The following PSMD11 variants were observed in gnomAD, a reference collection of about 807,000 sequenced individuals.
PSMD11 encodes 26S proteasome non-ATPase regulatory subunit 11.
Under a neutral mutation model 62.3 loss-of-function variants are expected in PSMD11, and 5 were observed. The observed-to-expected ratio is 0.08, with a 90% CI of 0.04 to 0.17. The LOEUF (loss-of-function observed/expected upper bound fraction) is 0.17, where lower values mean the gene tolerates loss of function less well. PSMD11 is among the 10% of genes least tolerant of loss of function. The pLI, the probability that PSMD11 is intolerant of heterozygous loss-of-function variation, is 1.00. For synonymous variants in PSMD11, 191 were observed against 191.8 expected (o/e 1.00, Z 0.03); for missense variants, 310 against 512.9 (o/e 0.60, Z 3.82).
At chr17:32,458,505 C>T (rs562978088) in intron 3 of PSMD11, among the ~76,000 whole-genome samples, 1 of 152,212 alleles carries the variant, frequency 6.6e-6, no homozygotes, top group African/African-American at 2.4e-5. Context: ...GTGGTTTTAA[C>T]TCTTTCAGTG....
intron 2 of PSMD11, among the ~76,000 whole-genome samples, chr17:32,451,745 T>C (rs1907505881): frequency 6.6e-6 from 1 of 152,070 alleles, no homozygotes; most frequent in South Asian, 2.1e-4. Context: ...TTTTGTTTTG[T>C]TTTGTTTTTT....
At chr17:32,469,791 C>G (rs1308758663) in intron 6 of PSMD11, among the ~76,000 whole-genome samples, 2 of 151,950 alleles carry the variant, frequency 1.3e-5, no homozygotes, top group African/African-American at 2.4e-5. Context: ...TACCTCTCAT[C>G]TGTAAAAGAT....
At chr17:32,456,941 A>G (rs1907670769) in intron 3 of PSMD11, among the ~76,000 whole-genome samples, 1 of 152,170 alleles carries the variant, frequency 6.6e-6, no homozygotes, top group Non-Finnish European at 1.5e-5. Context: ...TGCTGGGATT[A>G]CAGGCGTGAG....
intron 11 of PSMD11, 100 bp from the exon 12 acceptor site, chr17:32,480,046 T>C: frequency 6.7e-7 from 1 of 1,501,746 alleles, no homozygotes; most frequent in Non-Finnish European, 9.3e-7. Flanking sequence ...TATTTTGTTT[T>C]CAGTCCATTT....
At chr17:32,478,734 T>G (rs1326247425) in intron 9 of PSMD11, among the ~76,000 whole-genome samples, 1 of 152,178 alleles carries the variant, frequency 6.6e-6, no homozygotes, top group Non-Finnish European at 1.5e-5. Context: ...TTCCCCCCCA[T>G]GGAGACCCTA....
chr17:32,461,036 G>T (rs1907822825), intron 3 of PSMD11, among the ~76,000 whole-genome samples: 3 of 152,060 alleles, frequency 2.0e-5, no homozygotes, highest in Non-Finnish European at 4.4e-5. Context: ...AGTAGCCTAT[G>T]GGCAACTTTT....
rs10595066 is a variant in PSMD11, at chr17:32,459,115, C to CATATATATATATATATAT, written c.318+4503_318+4520dup. Among the ~76,000 whole-genome samples the CATATATATATATATATAT allele has an allele frequency of 1.4e-3, 157 of 111,834 alleles. 1 individual carries two copies. Among genetic ancestry groups the CATATATATATATATATAT allele is most frequent in the African/African-American group, 4.5e-3 (129 of 28,356 alleles). The allele number at this position is 111,834 out of a possible 152,430, so 73.4% of individuals were successfully genotyped here. ...AGAGTGTCTCAAAAAAAAAAAAATACATATATATATATATATATATATATG... is the reference window on the plus strand; with the variant it reads ...AGAGTGTCTCAAAAAAAAAAAAATACATATATATATATATATATATATATATATATATATATATATATG... On this transcript the variant is annotated intron_variant, in intron 3 of 13. Transcript: ENST00000261712.
At chr17:32,449,292 C>T (rs1265796520) in intron 2 of PSMD11, among the ~76,000 whole-genome samples, 1 of 152,066 alleles carries the variant, frequency 6.6e-6, no homozygotes, top group East Asian at 1.9e-4. Context: ...GTAGTCCCAG[C>T]TACTCTGGAG....
In PSMD11 at chr17:32,482,437, G is replaced by A. The variant is rs4523973; in HGVS notation, c.*1685G>A. On this transcript the variant is annotated 3_prime_UTR_variant, in exon 14 of 14. Transcript: ENST00000261712. ...CAAGCAAGTCCAGACAGCTCTGTGT[G>A]GCCCCACACTAGTCTAGCTCTCATC... 92,438 of 151,802 alleles carry A rather than the reference G, an allele frequency of 0.61. 29,220 individuals are homozygous for A. The highest frequency in any genetic ancestry group is 0.72 in the African/African-American group (29,996 of 41,374). 9.4% of individuals were successfully genotyped at this position (151,802 alleles called of 1,614,324 possible).
chr17:32,465,908 G>GACC (rs1831831141), intron 5 of PSMD11, among the ~76,000 whole-genome samples: 1 of 152,172 alleles, frequency 6.6e-6, no homozygotes, highest in South Asian at 2.1e-4. Flanking sequence ...CCGGGAGGTG[G>GACC]AGGTTGCAGT....
chr17:32,473,002 C>CA (rs1908214210), intron 6 of PSMD11, among the ~76,000 whole-genome samples: 1 of 150,776 alleles, frequency 6.6e-6, no homozygotes, highest in Non-Finnish European at 1.5e-5. Flanking sequence ...ACTAAAAATA[C>CA]AAAAAATTAG....
At chr17:32,446,524 T>C (rs904565053) in intron 1 of PSMD11, among the ~76,000 whole-genome samples, 6 of 152,222 alleles carry the variant, frequency 3.9e-5, no homozygotes, top group Non-Finnish European at 8.8e-5. Context: ...ACTTGGTCAA[T>C]TGATTTTAGT....
chr17:32,459,130 A>ATG (rs1907742640), intron 3 of PSMD11, among the ~76,000 whole-genome samples: 1 of 143,544 alleles, frequency 7.0e-6, no homozygotes, highest in African/African-American at 2.5e-5. Flanking sequence ...ATATATATAT[A>ATG]TATATATATG....
intron 1 of PSMD11, chr17:32,446,057 C>T (rs1432587948): frequency 4.6e-5 from 7 of 152,108 alleles, no homozygotes; most frequent in Non-Finnish European, 1.0e-4. Context: ...GTAGAAATTA[C>T]GTCAAATATT....
intron 7 of PSMD11, 115 bp downstream of exon 7, chr17:32,474,060 G>A: frequency 7.6e-7 from 1 of 1,308,712 alleles, no homozygotes. Flanking sequence ...AGCAGCAGCT[G>A]CGGCCTCTAG....
At chr17:32,464,489 C>T (rs779482071) in intron 4 of PSMD11, 32 bp from the exon 5 acceptor site, 4 of 1,530,246 alleles carry the variant, frequency 2.6e-6, no homozygotes, top group Admixed American at 1.9e-5. Context: ...CTTTTTCCCC[C>T]CCCTTCAATC....
In PSMD11 at chr17:32,459,115, C is replaced by CATATATATATATATAT. The variant is rs10595066; in HGVS notation, c.318+4505_318+4520dup. Among the ~76,000 whole-genome samples, 122 of 111,868 alleles carry CATATATATATATATAT rather than the reference C, an allele frequency of 1.1e-3. 1 individual carries two copies. Among genetic ancestry groups the CATATATATATATATAT allele is most frequent in the Middle Eastern group, 5.3e-3 (1 of 190 alleles). 73.4% of individuals were successfully genotyped at this position (111,868 alleles called of 152,430 possible). ...AGAGTGTCTCAAAAAAAAAAAAATA[C>CATATATATATATATAT]ATATATATATATATATATATATATG... On this transcript the variant is annotated intron_variant, in intron 3 of 13. Transcript: ENST00000261712.
rs1470272652 is a variant in PSMD11, at chr17:32,482,110, G to A, written c.*1358G>A. The A allele has an allele frequency of 6.6e-6, 1 of 151,218 alleles. No individual in the cohort carries two copies. Among genetic ancestry groups the A allele is most frequent in the Non-Finnish European group, 1.5e-5 (1 of 67,910 alleles). 9.4% of individuals were successfully genotyped at this position (151,218 alleles called of 1,614,324 possible). ...CCTTTTCTCTTTCTTTACCTTCCTT[G>A]GATTATCCTTCCAGGTTTTCATAAT... On this transcript the variant is annotated 3_prime_UTR_variant, in exon 14 of 14. Coordinates refer to ENST00000261712, the MANE Select transcript of PSMD11 (RefSeq NM_002815.4).
intron 2 of PSMD11, among the ~76,000 whole-genome samples, chr17:32,452,570 A>T (rs900375483): frequency 1.3e-5 from 2 of 152,232 alleles, no homozygotes; most frequent in Non-Finnish European, 2.9e-5. Context: ...AGCCAGGAAG[A>T]TTAAATTCAG....
Sources: allele counts gnomAD v4.1 joint callset (sites outside exome capture counted in the v4.1 genomes callset), GRCh38; gene constraint gnomAD v4.1.1; transcripts MANE v1.5; gene names NCBI Gene and HGNC (gene_info 2026-07-23, HGNC 2026-07-21).